The following DNAI2 variants were observed in gnomAD, a reference collection of about 807,000 sequenced individuals.
The protein encoded by DNAI2 is dynein, axonemal, intermediate polypeptide 2.
In DNAI2, 63 loss-of-function variants were observed where a neutral mutation model predicts 74.7. The observed-to-expected ratio is 0.84, with a 90% CI of 0.69 to 1.04. The LOEUF is 1.04. DNAI2 is among the 50% of genes least tolerant of loss of function. The pLI is 0.00. For missense variants in DNAI2, 688 were observed against 803.2 expected, an observed-to-expected ratio of 0.86 and a Z score of 1.73; for synonymous variants, 289 against 314.9, an observed-to-expected ratio of 0.92 and a Z score of 0.87.
chr17:74,314,305 C>T (rs890071376), intron 13 of DNAI2, 34 bp downstream of exon 13: 1 of 1,602,910 alleles, frequency 6.2e-7, no homozygotes, highest in Admixed American at 1.7e-5. Context: ...GGAGGCTGAG[C>T]TCCGCCTTAA....
At chr17:74,285,650 G>T (rs1181216029) in intron 3 of DNAI2, among the ~76,000 whole-genome samples, 1 of 151,776 alleles carries the variant, frequency 6.6e-6, no homozygotes, top group Non-Finnish European at 1.5e-5. Context: ...AAAAGAAAAA[G>T]AATCTCTTAT....
At chr17:74,297,391 CTTTTT>C (rs61180859) in intron 6 of DNAI2, among the ~76,000 whole-genome samples, 2 of 127,182 alleles carry the variant, frequency 1.6e-5, no homozygotes, top group African/African-American at 3.0e-5. Context: ...CGTGCCCAGA[CTTTTT>C]TTTTTTTTTT....
chr17:74,281,110 C>T (rs1383785578), intron 1 of DNAI2, among the ~76,000 whole-genome samples: 1 of 139,604 alleles, frequency 7.2e-6, no homozygotes, highest in African/African-American at 2.8e-5. Context: ...AAAAAAAGCC[C>T]TAAAAACAAA....
Position 74,289,586 on chromosome 17 carries a change from C to T in DNAI2, c.468-8C>T, listed in dbSNP as rs1598289254. 1.2e-6 allele frequency: 2 copies of T among 1,613,852 alleles called. No homozygotes were observed. The highest frequency in any genetic ancestry group is 1.3e-5 in the African/African-American group (1 of 74,882). On this transcript the variant is annotated splice_region_variant and splice_polypyrimidine_tract_variant and intron_variant, in intron 4 of 13. Transcript: ENST00000311014. Reference sequence around the variant, plus strand: ...CCAGCCTTCTGCTCTCTTCCCTCTCCCCTGCAGGGACCCCCAGGAAATCAA... The same window carrying T: ...CCAGCCTTCTGCTCTCTTCCCTCTCTCCTGCAGGGACCCCCAGGAAATCAA...
intron 6 of DNAI2, among the ~76,000 whole-genome samples, chr17:74,294,210 T>C (rs189987289): frequency 6.6e-6 from 1 of 152,150 alleles, no homozygotes; most frequent in African/African-American, 2.4e-5. Flanking sequence ...TTTTCCTATA[T>C]GTCTTACATC....
chr17:74,288,858 G>A (rs558665753), intron 4 of DNAI2, among the ~76,000 whole-genome samples: 14 of 152,320 alleles, frequency 9.2e-5, no homozygotes, highest in Middle Eastern at 3.4e-3. Flanking sequence ...CTGGAATAGA[G>A]CAGCTGGGGA....
chr17:74,296,065 C>G (rs112697053), intron 6 of DNAI2, among the ~76,000 whole-genome samples: 3 of 152,298 alleles, frequency 2.0e-5, no homozygotes, highest in African/African-American at 7.2e-5. Context: ...GGCGTGCACA[C>G]AGCTCTATCC....
Position 74,305,284 on chromosome 17 carries a change from G to C in DNAI2, c.1053G>C (p.Thr351=), listed in dbSNP as rs34392071. The part of the protein sequence containing the change: ...IVISCNRKAK[T]SAEKIVCTFP... Reference sequence around the variant, plus strand: ...TCTCCTGCAACCGCAAGGCCAAGACGTCAGCTGAAAAGATTGTGTGCACCT... The same window carrying C: ...TCTCCTGCAACCGCAAGGCCAAGACCTCAGCTGAAAAGATTGTGTGCACCT... The change falls in exon 9 of 14, where the codon ACG becomes ACC. Residue 351 remains threonine (T), a synonymous_variant. Transcript: ENST00000311014. 6.2e-7 allele frequency: 1 copy of C among 1,614,124 alleles called. No homozygotes were observed. Among genetic ancestry groups the C allele is most frequent in the Non-Finnish European group, 8.5e-7 (1 of 1,180,036 alleles).
chr17:74,281,311 T>C (rs1244944226), intron 1 of DNAI2, among the ~76,000 whole-genome samples: 1 of 151,832 alleles, frequency 6.6e-6, no homozygotes, highest in African/African-American at 2.4e-5. Context: ...CATGCTGGAG[T>C]GCAATGGTGT....
At chr17:74,309,653 C>G (rs1032186470) in intron 10 of DNAI2, 1 of 689,022 alleles carries the variant, frequency 1.5e-6, no homozygotes, top group Non-Finnish European at 2.6e-6. Context: ...AAGCAGGTAC[C>G]CGGCATCTCC....
At chr17:74,312,666 G>A (rs1287866636) in intron 12 of DNAI2, among the ~76,000 whole-genome samples, 2 of 152,224 alleles carry the variant, frequency 1.3e-5, no homozygotes, top group African/African-American at 4.8e-5. Flanking sequence ...CAGGTTTGGT[G>A]TCAGGAGTGT....
chr17:74,299,643 C>T, intron 6 of DNAI2, 75 bp from the exon 7 acceptor site: 2 of 1,595,968 alleles, frequency 1.3e-6, no homozygotes, highest in Non-Finnish European at 1.7e-6. Flanking sequence ...GCAGCCCCCT[C>T]TCTCCCCTGC....
At chr17:74,285,271 C>T (rs1180735714) in intron 3 of DNAI2, 70 bp downstream of exon 3, 30 of 1,554,736 alleles carry the variant, frequency 1.9e-5, no homozygotes, top group Non-Finnish European at 2.5e-5. Flanking sequence ...GATGCACTGC[C>T]CCAGCTGTGC....
intron 2 of DNAI2, among the ~76,000 whole-genome samples, chr17:74,284,553 C>T (rs2051591201): frequency 6.6e-6 from 1 of 152,102 alleles, no homozygotes; most frequent in Non-Finnish European, 1.5e-5. Flanking sequence ...GCTGGGACTA[C>T]AGGCGCCCAC....
intron 9 of DNAI2, among the ~76,000 whole-genome samples, chr17:74,308,219 T>C (rs2053300304): frequency 6.6e-6 from 1 of 152,138 alleles, no homozygotes; most frequent in Admixed American, 6.5e-5. Context: ...GCTACAACTA[T>C]ATTGCAATGG....
chr17:74,276,014 A>G (rs1417845723), intron 1 of DNAI2, among the ~76,000 whole-genome samples: 1 of 152,176 alleles, frequency 6.6e-6, no homozygotes, highest in East Asian at 1.9e-4. Flanking sequence ...AAATGTTCTC[A>G]TCTCCTTATT....
rs147954623 is a variant in DNAI2 at position 74,310,757 on chromosome 17, T to C, written c.1494+594T>C. Among the ~76,000 whole-genome samples the C allele has an allele frequency of 4.6e-3, 696 of 152,284 alleles. 7 individuals carry two copies. Among genetic ancestry groups the C allele is most frequent in the African/African-American group, 0.016 (646 of 41,568 alleles). On this transcript the variant is annotated intron_variant, in intron 11 of 13. Coordinates refer to ENST00000311014, the MANE Select transcript of DNAI2 (RefSeq NM_023036.6). The stretch of plus-strand genomic sequence containing the variant: ...TCTCACCATACTGGCCAGGCTGGTC[T>C]TGAACTCTTGACCTTAAGATGATCT...
At chr17:74,282,176 G>A (rs2051434209) in intron 2 of DNAI2, among the ~76,000 whole-genome samples, 176 bp downstream of exon 2, 1 of 152,164 alleles carries the variant, frequency 6.6e-6, no homozygotes, top group Non-Finnish European at 1.5e-5. Flanking sequence ...CAGTGCTCAG[G>A]GTCAGAGGAA....
intron 1 of DNAI2, among the ~76,000 whole-genome samples, chr17:74,276,601 A>G (rs571920613): frequency 6.6e-6 from 1 of 152,172 alleles, no homozygotes; most frequent in African/African-American, 2.4e-5. Flanking sequence ...TGGGTCCTTG[A>G]ATGGGTTGTC....
Sources: gnomAD v4.1 joint callset for allele counts (sites outside exome capture counted in the v4.1 genomes callset) on GRCh38, gnomAD v4.1.1 for gene constraint, MANE v1.5 for transcripts, NCBI Gene and HGNC (gene_info 2026-07-23, HGNC 2026-07-21) for gene names.